ZNF117: variants seen among roughly 807,000 people sequenced by gnomAD.
The protein encoded by ZNF117 is zinc finger protein 117, also known as Krueppel-related zinc finger protein.
In ZNF117, 37 loss-of-function variants were observed where a neutral mutation model predicts 41.2. That is an observed-to-expected ratio of 0.90 (90% CI 0.69 to 1.18). ZNF117 has a LOEUF of 1.18. Ranked by LOEUF, ZNF117 falls within the 50% of genes most tolerant of loss-of-function variation. The probability of loss-of-function intolerance (pLI) is 0.00; values close to 1 mark genes in which losing one functional copy is unlikely to be tolerated. For synonymous variants in ZNF117, 186 were observed against 186.6 expected (o/e 1.00, Z 0.02); for missense variants, 546 against 557.5 (o/e 0.98, Z 0.21).
At chr7:64,979,192 G>A (rs1397738088) in exon 3 of ZNF117, 1 of 1,607,454 alleles carries the variant, frequency 6.2e-7, no homozygotes, top group Non-Finnish European at 8.5e-7. Flanking sequence ...ATTCTTTTAT[G>A]TTGAGTTAGG....
exon 3 of ZNF117, chr7:64,978,922 C>T (rs1424596824): frequency 3.7e-6 from 6 of 1,613,462 alleles, no homozygotes; most frequent in Admixed American, 3.3e-5. Context: ...GGAATTTCCC[C>T]AGTATGAATT....
At chr7:64,973,398 A>G (rs986293286), downstream of ZNF117, 2 of 152,004 alleles carry the variant, frequency 1.3e-5, no homozygotes, top group Non-Finnish European at 2.9e-5. Flanking sequence ...TTGCCACAAT[A>G]TATTTGCACT....
At chr7:64,985,776 T>C (rs1052674492), upstream of ZNF117, among the ~76,000 whole-genome samples, 19 of 151,960 alleles carry the variant, frequency 1.3e-4, no homozygotes, top group Non-Finnish European at 7.4e-5. Flanking sequence ...CTAGCCAACA[T>C]GGTGAAACCT....
chr7:64,988,215 T>G (rs940256671), intron 1 of ZNF117, among the ~76,000 whole-genome samples: 30 of 152,156 alleles, frequency 2.0e-4, no homozygotes, highest in Non-Finnish European at 4.1e-4. Context: ...AACAAAATAT[T>G]GGCAAATTAA....
rs1786250310 is a variant in ZNF117 at position 64,991,014 on chromosome 7, ATACT to A, written c.-1267_-1264del. 3 of 466,546 alleles carry A rather than the reference ATACT, an allele frequency of 6.4e-6. No homozygotes were observed. Among genetic ancestry groups the A allele is most frequent in the Admixed American group, 3.7e-5 (1 of 26,812 alleles). 28.9% of individuals were successfully genotyped at this position (466,546 alleles called of 1,614,324 possible). ...GTAGCTCTTTTCTTGGCAGGGGTTA[ATACT>A]TAGTTAGGGCCATTAGTCGTGTGGT... is the stretch of plus-strand genomic sequence containing the variant. On this transcript the variant is annotated 5_prime_UTR_variant, in exon 1 of 4. It removes the in-frame stop codon of an upstream open reading frame in the 5' UTR. Coordinates refer to the ZNF117 transcript ENST00000282869.
exon 3 of ZNF117, chr7:64,974,655 G>T (rs563491338): frequency 1.3e-5 from 2 of 151,906 alleles, no homozygotes; most frequent in African/African-American, 4.8e-5. Context: ...TATGTTTGCA[G>T]GCAGAGAGAC....
chr7:64,978,829 G>A lies in ZNF117; in HGVS notation c.742C>T (p.Arg248Cys), dbSNP rs758514465. ...TTGCCGCATTCTTCACATTCATAACGTTTCTCTCCGGTATGAATTAACTTA... is the reference window on the plus strand; with the variant it reads ...TTGCCGCATTCTTCACATTCATAACATTTCTCTCCGGTATGAATTAACTTA... The change falls in exon 3 of 3, where the codon CGT (arginine) becomes TGT (cysteine). Residue 248 changes from arginine to cysteine, a missense_variant. Transcript: ENST00000620222. 2.9e-5 allele frequency: 46 copies of A among 1,613,392 alleles called. No homozygotes were observed. The African/African-American group carries it at 3.1e-4, about 11-fold the overall frequency.
exon 3 of ZNF117, chr7:64,976,665 T>A (rs1466533114): frequency 6.9e-6 from 2 of 291,092 alleles, no homozygotes; most frequent in Non-Finnish European, 1.3e-5. Flanking sequence ...TCCTCCAGTA[T>A]AAATTATCTT....
chr7:64,977,034 A>T (rs931380015), exon 3 of ZNF117: 5 of 532,108 alleles, frequency 9.4e-6, no homozygotes, highest in Non-Finnish European at 1.9e-5. Context: ...GGATAAGTTA[A>T]AAGCTTTGCC....
exon 3 of ZNF117, chr7:64,977,817 T>C: frequency 1.9e-6 from 2 of 1,064,168 alleles, no homozygotes; most frequent in East Asian, 2.8e-5. Flanking sequence ...TTCACATTTG[T>C]AGGGTTTCTC....
intron 2 of ZNF117, chr7:64,981,182 G>A (rs1033099465): frequency 3.2e-6 from 2 of 615,470 alleles, no homozygotes; most frequent in Non-Finnish European, 5.4e-6. Flanking sequence ...ATTGAAGACA[G>A]ATCACTAAAG....
chr7:64,989,306 G>T (rs1348587201), intron 1 of ZNF117, among the ~76,000 whole-genome samples: 1 of 151,118 alleles, frequency 6.6e-6, no homozygotes, highest in Non-Finnish European at 1.5e-5. Context: ...AGCAATGCAG[G>T]AAGAATTCCC....
chr7:64,973,889 T>C (rs1170916727), downstream of ZNF117: 1 of 151,978 alleles, frequency 6.6e-6, no homozygotes, highest in East Asian at 1.9e-4. Flanking sequence ...TCACTATTGG[T>C]ATTTTCCATC....
At chr7:64,986,281 A>T (rs759755887), upstream of ZNF117, among the ~76,000 whole-genome samples, 2 of 152,198 alleles carry the variant, frequency 1.3e-5, no homozygotes, top group Non-Finnish European at 2.9e-5. Flanking sequence ...CTTTCTCCCA[A>T]GAAAATTTTG....
At chr7:64,975,367 T>C (rs1785861798) in exon 3 of ZNF117, 1 of 152,062 alleles carries the variant, frequency 6.6e-6, no homozygotes, top group South Asian at 2.1e-4. Context: ...ATATTTTCAC[T>C]AGAATGCAGA....
intron 1 of ZNF117, among the ~76,000 whole-genome samples, chr7:64,987,439 A>C (rs1786158137): frequency 6.6e-6 from 1 of 152,174 alleles, no homozygotes; most frequent in Admixed American, 6.5e-5. Context: ...AAAGTAACTA[A>C]TCTGATCTGT....
chr7:64,989,447 A>T (rs1473190067), intron 1 of ZNF117, among the ~76,000 whole-genome samples: 1 of 8,286 alleles, frequency 1.2e-4, no homozygotes, highest in Admixed American at 9.5e-4. Context: ...TTAAAATTAT[A>T]TATATATATA....
chr7:64,978,747 T>C (rs1785956619), exon 3 of ZNF117: 5 of 1,613,224 alleles, frequency 3.1e-6, no homozygotes, highest in Non-Finnish European at 4.2e-6. Context: ...TTTGTACAGC[T>C]TCTCTCCAGT....
upstream of ZNF117, among the ~76,000 whole-genome samples, chr7:64,984,036 A>G (rs1265938147): frequency 6.6e-6 from 1 of 152,280 alleles, no homozygotes; most frequent in Non-Finnish European, 1.5e-5. Flanking sequence ...TATTCTCAGC[A>G]GAATTTTATA....
Sources: allele counts gnomAD v4.1 joint callset (sites outside exome capture counted in the v4.1 genomes callset), GRCh38; gene constraint gnomAD v4.1.1; transcripts MANE v1.5; gene names NCBI Gene and HGNC (gene_info 2026-07-23, HGNC 2026-07-21).